Variants in ANAPC5 observed in about 807,000 individuals in gnomAD.
The protein encoded by ANAPC5 is anaphase-promoting complex subunit 5.
In ANAPC5, 60 loss-of-function variants were observed where a neutral mutation model predicts 91.3. The ratio of observed to expected loss-of-function variants is 0.66; its 90% CI spans 0.53 to 0.81. ANAPC5 has a LOEUF of 0.81. Ranked by LOEUF, ANAPC5 falls within the 40% of genes least tolerant of loss-of-function variation. ANAPC5 has a pLI of 0.00. For synonymous variants in ANAPC5, 340 were observed against 364.1 expected, an observed-to-expected ratio of 0.93 and a Z score of 0.75; for missense variants, 690 against 931.5, an observed-to-expected ratio of 0.74 and a Z score of 3.37.
rs781978929 is a variant in ANAPC5, at chr12:121,335,717, G to C, written c.766C>G (p.Leu256Val). The change falls in exon 7 of 17, where the codon CTC becomes GTC. Residue 256 changes from leucine (L) to valine (V), a missense_variant. By Grantham distance (32) the Leu-to-Val change is conservative. Around this residue, in one of 5 missense-constraint regions of ANAPC5, gnomAD observed 83 missense variants for 150.8 expected, o/e 0.55. Transcript: ENST00000261819. Reference sequence around the variant, plus strand: ...ACACGGAGGTTGTTTAAGTAGCTGAGATAATGCTAAAACAAGAAATAATCA... The same window carrying C: ...ACACGGAGGTTGTTTAAGTAGCTGACATAATGCTAAAACAAGAAATAATCA... ...FNPDFAEAHYLSYLNNLRVQD... is the reference protein window; with the variant it reads ...FNPDFAEAHYVSYLNNLRVQD... 6.2e-7 allele frequency: 1 copy of C among 1,602,158 alleles called. No individual in the cohort carries two copies. Among genetic ancestry groups the C allele is most frequent in the Admixed American group, 1.7e-5 (1 of 59,458 alleles).
intron 10 of ANAPC5, 138 bp from the exon 11 acceptor site, chr12:121,327,369 C>T (rs1384112196): frequency 4.0e-6 from 4 of 1,011,856 alleles, no homozygotes; most frequent in African/African-American, 1.7e-5. Context: ...CAGATGCCTC[C>T]CAGTGCCAGC....
intron 11 of ANAPC5, 162 bp from the exon 12 acceptor site, chr12:121,320,621 T>G (rs186147010): frequency 0.036 from 17,740 of 490,886 alleles, 288 homozygotes; most frequent in Non-Finnish European, 0.043. Context: ...TTTTTTTTTT[T>G]GGGACAGAGT....
intron 8 of ANAPC5, 151 bp downstream of exon 8, chr12:121,331,196 T>C: frequency 1.8e-6 from 1 of 567,256 alleles, no homozygotes; most frequent in Non-Finnish European, 3.2e-6. Flanking sequence ...AAAGATAAGT[T>C]GCCCTTTCTG....
chr12:121,308,949 C>T (rs1046405369), intron 16 of ANAPC5, among the ~76,000 whole-genome samples: 10 of 150,796 alleles, frequency 6.6e-5, no homozygotes, highest in African/African-American at 2.2e-4. Flanking sequence ...AGGAGTTCGA[C>T]GCCAGCCTGG....
In ANAPC5 at chr12:121,331,169, A is replaced by T. The variant is rs1593590680; in HGVS notation, c.1032+178T>A. 7 of 537,610 alleles carry T rather than the reference A, an allele frequency of 1.3e-5. 1 individual carries two copies. In the East Asian group the frequency reaches 2.1e-4, roughly 16 times the overall value. 33.3% of individuals were successfully genotyped at this position (537,610 alleles called of 1,614,324 possible). ...TGCCAAAAGCAAAACAGATGTCATGAATTAAGAAAGGTAAGTAAAGATAAG... is the reference window on the plus strand; with the variant it reads ...TGCCAAAAGCAAAACAGATGTCATGTATTAAGAAAGGTAAGTAAAGATAAG... On this transcript the variant is annotated intron_variant, in intron 8 of 16. Coordinates refer to ENST00000261819, the MANE Select transcript of ANAPC5 (RefSeq NM_016237.5).
rs1282848206 is a variant in ANAPC5 at position 121,349,423 on chromosome 12, G to A, written c.208-1542C>T. Among the ~76,000 whole-genome samples, 4 of 152,030 alleles carry A rather than the reference G, an allele frequency of 2.6e-5. No individual in the cohort carries two copies. In the Middle Eastern group the frequency reaches 0.014, roughly 517 times the overall value. ...CAAAATTTAAAAATTAGCCAGGCAT[G>A]GTGGCAGGTGCCTGTAGTCCTAGCT... On this transcript the variant is annotated intron_variant, in intron 1 of 16. Transcript: ENST00000261819.
At chr12:121,317,645 G>C (rs1035507602) in intron 15 of ANAPC5, among the ~76,000 whole-genome samples, 1 of 152,088 alleles carries the variant, frequency 6.6e-6, no homozygotes. Flanking sequence ...TTCTGACTCC[G>C]TAGGTCTGAG....
intron 13 of ANAPC5, among the ~76,000 whole-genome samples, chr12:121,319,108 TACACAAAC>T (rs1403869742): frequency 5.2e-4 from 60 of 115,964 alleles, no homozygotes; most frequent in South Asian, 2.2e-3. Flanking sequence ...ATGCTGTGTA[TACACAAAC>T]ACACACACAC....
rs1194995505 is a variant in ANAPC5 at position 121,330,561 on chromosome 12, C to G, written c.1122+22G>C. ...AGGCTCGACCATTTATGGAAACAATCTCACAGAAAGATGAGCCTTACCGGT... is the reference window on the plus strand; with the variant it reads ...AGGCTCGACCATTTATGGAAACAATGTCACAGAAAGATGAGCCTTACCGGT... On this transcript the variant is annotated intron_variant, in intron 9 of 16. Coordinates refer to ENST00000261819, the MANE Select transcript of ANAPC5 (RefSeq NM_016237.5). 2.5e-6 allele frequency: 4 copies of G among 1,602,874 alleles called. No homozygotes were observed. The Admixed American group carries it at 6.8e-5, about 27-fold the overall frequency.
intron 5 of ANAPC5, among the ~76,000 whole-genome samples, chr12:121,340,589 T>C (rs1191277021): frequency 2.0e-5 from 3 of 150,518 alleles, no homozygotes; most frequent in Non-Finnish European, 4.4e-5. Flanking sequence ...CAGGCCAGAG[T>C]GCAGTAGCGC....
chr12:121,308,743 A>T (rs778488075), intron 16 of ANAPC5, 52 bp from the exon 17 acceptor site: 84 of 1,411,754 alleles, frequency 6.0e-5, no homozygotes, highest in Non-Finnish European at 8.0e-5. Flanking sequence ...CTTCACGTAT[A>T]GTTTTCAAAA....
intron 15 of ANAPC5, among the ~76,000 whole-genome samples, chr12:121,316,749 A>C (rs995719689): frequency 2.6e-5 from 4 of 151,016 alleles, no homozygotes; most frequent in Non-Finnish European, 5.9e-5. Flanking sequence ...AAAAAAAAAA[A>C]AAAAAAAAGA....
At chr12:121,323,250 A>T (rs934139555) in intron 11 of ANAPC5, among the ~76,000 whole-genome samples, 1 of 152,138 alleles carries the variant, frequency 6.6e-6, no homozygotes, top group African/African-American at 2.4e-5. Context: ...CTAGATTGAA[A>T]TGTTTTCATG....
chr12:121,350,183 C>T (rs782041455), intron 1 of ANAPC5, among the ~76,000 whole-genome samples: 2 of 152,090 alleles, frequency 1.3e-5, no homozygotes, highest in Admixed American at 6.5e-5. Context: ...ATGCCCCTCA[C>T]CCACAAATAC....
rs1224350425 is a variant in ANAPC5 at position 121,337,351 on chromosome 12, T to C, written c.699A>G (p.Pro233=). ...LKNDETKALT[P]ASLQKELNNL... ...TGTTTAATTCCTTCTGCAAGGAAGC[T>C]GGAGTGAGGGCCTTAGTCTCATCAT... is the stretch of plus-strand genomic sequence containing the variant. Residue 233 remains proline, a synonymous_variant, in exon 6 of 17, where the codon CCA becomes CCG. Transcript: ENST00000261819. 1 of 1,613,820 alleles carries C rather than the reference T, an allele frequency of 6.2e-7. No homozygotes were observed. The highest frequency in any genetic ancestry group is 1.3e-5 in the African/African-American group (1 of 74,942).
At chr12:121,336,035 T>C (rs1449613221) in intron 6 of ANAPC5, among the ~76,000 whole-genome samples, 1 of 152,212 alleles carries the variant, frequency 6.6e-6, no homozygotes, top group Non-Finnish European at 1.5e-5. Context: ...CTAGTTCAAA[T>C]ATTGAGGAAA....
rs35903379 is a variant in ANAPC5 at position 121,329,687 on chromosome 12, C to T, written c.1122+896G>A. On this transcript the variant is annotated intron_variant, in intron 9 of 16. Coordinates refer to ENST00000261819, the MANE Select transcript of ANAPC5 (RefSeq NM_016237.5). The stretch of plus-strand genomic sequence containing the variant: ...CTGGAGTGCAATGGCACAATCTCGG[C>T]TCACTGCAATCTCCACCTCCCAGGT... Among the ~76,000 whole-genome samples, 1,052 of 151,332 alleles carry T rather than the reference C, an allele frequency of 7.0e-3. 14 individuals are homozygous for T. The highest frequency in any genetic ancestry group is 0.024 in the African/African-American group (1,003 of 41,138).
chr12:121,352,394 A>G lies in ANAPC5; in HGVS notation c.-54T>C, dbSNP rs1903938937. 7.2e-7 allele frequency: 1 copy of G among 1,397,804 alleles called. No individual in the cohort carries two copies. Among genetic ancestry groups the G allele is most frequent in the African/African-American group, 1.4e-5 (1 of 69,646 alleles). The allele number at this position is 1,397,804 out of a possible 1,614,324, so 86.6% of individuals were successfully genotyped here. ...CGGCGCGCTGCCGCCAGTTGTCACCACAAGGCACAACACTACCGGGTCTAC... is the reference window on the plus strand; with the variant it reads ...CGGCGCGCTGCCGCCAGTTGTCACCGCAAGGCACAACACTACCGGGTCTAC... On this transcript the variant is annotated 5_prime_UTR_variant, in exon 1 of 17. Coordinates refer to ENST00000261819, the MANE Select transcript of ANAPC5 (RefSeq NM_016237.5).
Position 121,328,513 on chromosome 12 carries a change from T to C in ANAPC5, c.1123-16A>G. 1.2e-6 allele frequency: 2 copies of C among 1,611,246 alleles called. No individual in the cohort carries two copies. Among genetic ancestry groups the C allele is most frequent in the Non-Finnish European group, 1.7e-6 (2 of 1,178,036 alleles). On this transcript the variant is annotated splice_polypyrimidine_tract_variant and intron_variant, in intron 9 of 16. Transcript: ENST00000261819. ...AGGCGAGGTACTAAGGGGACAGATATACCCACGACCCAAGATAGAGATTAC... is the reference window on the plus strand; with the variant it reads ...AGGCGAGGTACTAAGGGGACAGATACACCCACGACCCAAGATAGAGATTAC...
Sources: allele counts gnomAD v4.1 joint callset (sites outside exome capture counted in the v4.1 genomes callset), GRCh38; gene constraint gnomAD v4.1.1; regional missense constraint gnomAD v4.1.1; transcripts MANE v1.5; gene names NCBI Gene and HGNC (gene_info 2026-07-23, HGNC 2026-07-21).